GCM1: variants seen among roughly 807,000 people sequenced by gnomAD.
GCM1 encodes GCM transcription factor 1, also known as chorion-specific transcription factor GCMa.
In GCM1, 2 loss-of-function variants were observed where a neutral mutation model predicts 25.7. The ratio of observed to expected loss-of-function variants is 0.08; its 90% CI spans 0.03 to 0.24. GCM1 has a LOEUF of 0.24. Ranked by LOEUF, GCM1 falls within the 10% of genes least tolerant of loss-of-function variation. GCM1 has a pLI of 1.00. For missense variants in GCM1, 395 were observed against 538.7 expected, an observed-to-expected ratio of 0.73 and a Z score of 2.64; for synonymous variants, 183 against 195.7, an observed-to-expected ratio of 0.94 and a Z score of 0.54.
intron 1 of GCM1, among the ~76,000 whole-genome samples, chr6:53,147,517 C>A (rs1481734193): frequency 6.7e-6 from 1 of 149,492 alleles, no homozygotes; most frequent in African/African-American, 2.5e-5. Context: ...TAGCCTCCAC[C>A]TCTGGGGCTC....
chr6:53,144,724 G>A (rs890830869), intron 2 of GCM1, among the ~76,000 whole-genome samples: 2 of 151,942 alleles, frequency 1.3e-5, no homozygotes, highest in East Asian at 1.9e-4. Context: ...AGACCAGCCC[G>A]GGCAACATGG....
At chr6:53,140,851 A>T (rs1195161561) in intron 2 of GCM1, among the ~76,000 whole-genome samples, 20 of 152,232 alleles carry the variant, frequency 1.3e-4, no homozygotes, top group Non-Finnish European at 2.9e-5. Context: ...ATCAGTACTA[A>T]TGAGAGTGTG....
Position 53,128,740 on chromosome 6 carries a change from G to A in GCM1, c.777C>T (p.Pro259=). The change falls in exon 6 of 6, where the codon CCC becomes CCT. Residue 259 remains proline, a synonymous_variant. Transcript: ENST00000259803. ...DLTDQTSTVD[P]MKLYEKRKLS... is the part of the protein sequence containing the mutation. ...ATTTGCGCTTTTCATAGAGCTTCAT[G>A]GGGTCCACAGTGGAAGTCTGGTCAG... 1.2e-6 allele frequency: 2 copies of A among 1,613,722 alleles called. No homozygotes were observed. The highest frequency in any genetic ancestry group is 1.7e-6 in the Non-Finnish European group (2 of 1,179,638).
chr6:53,128,931 T>C lies in GCM1; in HGVS notation c.586A>G (p.Thr196Ala), dbSNP rs1763687476. ...AAAGGTAAACTCCCCTGACTTTGTG[T>C]TTCACCTGGAAGAGACTGGAAAGGA... ...STETRSLPGE[T>A]QSQGSLPLTW... The change falls in exon 6 of 6, where the codon ACA (threonine) becomes GCA (alanine). Residue 196 changes from threonine to alanine, a missense_variant. By Grantham distance (58) the Thr-to-Ala change is moderately conservative. Transcript: ENST00000259803. 2 of 1,613,338 alleles carry C rather than the reference T, an allele frequency of 1.2e-6. No individual in the cohort carries two copies. The highest frequency in any genetic ancestry group is 1.7e-5 in the Admixed American group (1 of 59,966).
At position 53,140,194 on chromosome 6, in the gene GCM1, G is replaced by T. The variant is rs557229957; in HGVS notation, c.75+5364C>A. ...TCAAGGAGAATGTCTGGCAAAGGGGGCAAAGTCACAGGAATCCCCATCAGA... is the reference window on the plus strand; with the variant it reads ...TCAAGGAGAATGTCTGGCAAAGGGGTCAAAGTCACAGGAATCCCCATCAGA... On this transcript the variant is annotated intron_variant, in intron 2 of 5. Transcript: ENST00000259803. Among the ~76,000 whole-genome samples the T allele has an allele frequency of 1.1e-4, 17 of 152,260 alleles. No individual in the cohort carries two copies. In the South Asian group the frequency reaches 3.1e-3, roughly 28 times the overall value.
At position 53,132,025 on chromosome 6, in the gene GCM1, T is replaced by A; in HGVS notation, c.423A>T (p.Gly141=). Residue 141 remains glycine, a synonymous_variant, in exon 4 of 6, where the codon GGA becomes GGT. Transcript: ENST00000259803. The part of the protein sequence containing the change: ...FPVTNFWRHD[G]RFIFFQSKGE... Reference sequence around the variant, plus strand: ...ATCCAACCTGGAAAAATATAAAGCGTCCGTCGTGCCTCCAGAAGTTGGTGA... The same window carrying A: ...ATCCAACCTGGAAAAATATAAAGCGACCGTCGTGCCTCCAGAAGTTGGTGA... The A allele has an allele frequency of 6.2e-7, 1 of 1,606,550 alleles. No homozygotes were observed. Among genetic ancestry groups the A allele is most frequent in the Non-Finnish European group, 8.5e-7 (1 of 1,173,254 alleles).
In GCM1 at chr6:53,148,838, T is replaced by A. The variant is rs1342919216; in HGVS notation, c.-221A>T. Reference sequence around the variant, plus strand: ...CAAGTCCCAGCAGGCTCTGGTCATTTTCTGAGCAGACGCTGTTCCCTATTC... The same window carrying A: ...CAAGTCCCAGCAGGCTCTGGTCATTATCTGAGCAGACGCTGTTCCCTATTC... On this transcript the variant is annotated 5_prime_UTR_variant, in exon 1 of 6. Transcript: ENST00000259803. The A allele has an allele frequency of 6.6e-6, 1 of 152,218 alleles. No individual in the cohort carries two copies. Among genetic ancestry groups the A allele is most frequent in the Non-Finnish European group, 1.5e-5 (1 of 68,038 alleles). 9.4% of individuals were successfully genotyped at this position (152,218 alleles called of 1,614,324 possible).
At chr6:53,144,441 C>T (rs1012076093) in intron 2 of GCM1, among the ~76,000 whole-genome samples, 1 of 149,340 alleles carries the variant, frequency 6.7e-6, no homozygotes, top group East Asian at 2.0e-4. Flanking sequence ...AAAAAAAAGT[C>T]AGTTGCCAAA....
At chr6:53,142,098 G>A (rs1326442095) in intron 2 of GCM1, among the ~76,000 whole-genome samples, 3 of 141,978 alleles carry the variant, frequency 2.1e-5, no homozygotes, top group Non-Finnish European at 4.6e-5. Flanking sequence ...CTTGAAACTT[G>A]AAGCATGTGA....
chr6:53,139,418 C>A (rs947010567), intron 2 of GCM1, among the ~76,000 whole-genome samples: 9 of 148,466 alleles, frequency 6.1e-5, no homozygotes, highest in African/African-American at 2.2e-4. Flanking sequence ...TCCCAGCTAC[C>A]CAGTAGGCTA....
intron 3 of GCM1, among the ~76,000 whole-genome samples, chr6:53,133,297 T>C (rs1763751070): frequency 1.3e-5 from 2 of 151,704 alleles, no homozygotes; most frequent in African/African-American, 2.4e-5. Flanking sequence ...CCCGAGTAGC[T>C]GGGATTACAG....
At chr6:53,137,502 T>G (rs905238818) in intron 2 of GCM1, among the ~76,000 whole-genome samples, 1 of 152,192 alleles carries the variant, frequency 6.6e-6, no homozygotes, top group African/African-American at 2.4e-5. Flanking sequence ...AAATGTCTAC[T>G]TTTGGCCAGG....
chr6:53,138,567 A>G (rs1196761635), intron 2 of GCM1, among the ~76,000 whole-genome samples: 1 of 152,092 alleles, frequency 6.6e-6, no homozygotes, highest in African/African-American at 2.4e-5. Flanking sequence ...AACAATAATC[A>G]TTTCTTCATC....
intron 4 of GCM1, 122 bp from the exon 5 acceptor site, chr6:53,131,053 G>GT: frequency 3.4e-6 from 3 of 884,794 alleles, no homozygotes; most frequent in Non-Finnish European, 5.4e-6. Flanking sequence ...GTTGCCTATG[G>GT]TAACCAGACT....
chr6:53,146,233 T>A (rs1224027875), intron 1 of GCM1, among the ~76,000 whole-genome samples: 2,030 of 135,486 alleles, frequency 0.015, 36 homozygotes, highest in Middle Eastern at 0.04. Context: ...TTTTTTTTTT[T>A]TTTTGAGATG....
At chr6:53,140,101 A>G (rs1351931159) in intron 2 of GCM1, among the ~76,000 whole-genome samples, 1 of 152,160 alleles carries the variant, frequency 6.6e-6, no homozygotes, top group Non-Finnish European at 1.5e-5. Context: ...TCCAAATAGC[A>G]GAGGCCCCAG....
chr6:53,147,549 C>A (rs1763977094), intron 1 of GCM1, among the ~76,000 whole-genome samples: 1 of 150,894 alleles, frequency 6.6e-6, no homozygotes, highest in Non-Finnish European at 1.5e-5. Context: ...TTACCTCAGC[C>A]TCCCAAGTAG....
intron 4 of GCM1, among the ~76,000 whole-genome samples, chr6:53,131,683 A>T (rs184178070): frequency 7.2e-4 from 110 of 152,272 alleles, no homozygotes; most frequent in African/African-American, 2.6e-3. Flanking sequence ...CCGAGTAAAA[A>T]GTCAGAGCTG....
At chr6:53,144,300 C>G (rs1763922246) in intron 2 of GCM1, among the ~76,000 whole-genome samples, 1 of 151,728 alleles carries the variant, frequency 6.6e-6, no homozygotes. Context: ...TGGCACATGC[C>G]TGTGGTCTCA....
Sources: allele counts gnomAD v4.1 joint callset (sites outside exome capture counted in the v4.1 genomes callset), GRCh38; gene constraint gnomAD v4.1.1; transcripts MANE v1.5; gene names NCBI Gene and HGNC (gene_info 2026-07-23, HGNC 2026-07-21).